VTA1: variants seen among roughly 807,000 people sequenced by gnomAD.
The protein encoded by VTA1 is vacuolar protein sorting-associated protein VTA1 homolog.
Under a neutral mutation model 36.9 loss-of-function variants are expected in VTA1, and 24 were observed. That is an observed-to-expected ratio of 0.65 (90% CI 0.47 to 0.91). The LOEUF (loss-of-function observed/expected upper bound fraction) is 0.91, where lower values mean the gene tolerates loss of function less well. Ranked by LOEUF, VTA1 falls within the 40% of genes least tolerant of loss-of-function variation. The pLI is 0.00. For synonymous variants in VTA1, 142 were observed against 130.2 expected, an observed-to-expected ratio of 1.09 and a Z score of -0.62; for missense variants, 393 against 377.2, an observed-to-expected ratio of 1.04 and a Z score of -0.35.
At chr6:142,183,298 G>A (rs1351400314) in intron 4 of VTA1, among the ~76,000 whole-genome samples, 1 of 152,122 alleles carries the variant, frequency 6.6e-6, no homozygotes, top group African/African-American at 2.4e-5. Context: ...GTAAAACTTT[G>A]TCTTTCAAGG....
At position 142,166,310 on chromosome 6, in the gene VTA1, T is replaced by G. The variant is rs780680109; in HGVS notation, c.195T>G (p.Asp65Glu). The change falls in exon 2 of 8, where the codon GAT becomes GAG. Residue 65 changes from aspartate to glutamate, a missense_variant. Asp to Glu is a conservative substitution (Grantham distance 45). Coordinates refer to ENST00000367630, the MANE Select transcript of VTA1 (RefSeq NM_016485.5). ...GCAAATTTTTATCAAAGTTAATGGA[T>G]CAGTTAGAAGCTGTAAGTTAACCAC... ...ECRKFLSKLM[D>E]QLEALKKQLG... 4 of 1,608,378 alleles carry G rather than the reference T, an allele frequency of 2.5e-6. No individual in the cohort carries two copies. The highest frequency in any genetic ancestry group is 2.6e-6 in the Non-Finnish European group (3 of 1,175,568).
chr6:142,186,900 C>T (rs1775351391), intron 4 of VTA1, among the ~76,000 whole-genome samples: 1 of 151,718 alleles, frequency 6.6e-6, no homozygotes, highest in Admixed American at 6.6e-5. Context: ...AAGACAGCCC[C>T]ACTGTGAGAT....
At chr6:142,198,340 T>A in intron 5 of VTA1, 99 bp from the exon 6 acceptor site, 1 of 1,147,232 alleles carries the variant, frequency 8.7e-7, no homozygotes, top group Non-Finnish European at 1.2e-6. Context: ...TAGAATTGCA[T>A]TTAAAGATTC....
At chr6:142,198,115 A>ATGTGTGTGTG (rs1259650162) in intron 5 of VTA1, among the ~76,000 whole-genome samples, 40 of 76,532 alleles carry the variant, frequency 5.2e-4, no homozygotes, top group African/African-American at 1.4e-3. Context: ...ATATATATAT[A>ATGTGTGTGTG]TATATGTGTG....
intron 7 of VTA1, among the ~76,000 whole-genome samples, chr6:142,213,430 A>T (rs1204811005): frequency 6.6e-6 from 1 of 152,086 alleles, no homozygotes; most frequent in Non-Finnish European, 1.5e-5. Flanking sequence ...CAGGTGCATG[A>T]TGTAAGCTGT....
intron 6 of VTA1, among the ~76,000 whole-genome samples, chr6:142,202,074 C>T (rs576882139): frequency 7.2e-5 from 11 of 151,874 alleles, no homozygotes; most frequent in Non-Finnish European, 1.6e-4. Flanking sequence ...TATATGTAAT[C>T]TACATAAGCC....
intron 5 of VTA1, among the ~76,000 whole-genome samples, chr6:142,196,277 T>G (rs1237591078): frequency 6.6e-6 from 1 of 152,216 alleles, no homozygotes; most frequent in Non-Finnish European, 1.5e-5. Flanking sequence ...GAAATGGTCC[T>G]TTTTATCTCA....
intron 1 of VTA1, among the ~76,000 whole-genome samples, chr6:142,158,530 G>T (rs1213475239): frequency 6.6e-6 from 1 of 152,088 alleles, no homozygotes; most frequent in East Asian, 1.9e-4. Context: ...TATTATTCCA[G>T]TTCAGTGGGA....
Position 142,165,564 on chromosome 6 carries a change from A to C in VTA1, c.113-664A>C, listed in dbSNP as rs537172359. ...TGCTGTAGAACATTAGCACTGACAC[A>C]GATCTCTAGGACATATTGTTGAATG... On this transcript the variant is annotated intron_variant, in intron 1 of 7. Transcript: ENST00000367630. Among the ~76,000 whole-genome samples the C allele has an allele frequency of 2.0e-5, 3 of 152,324 alleles. No homozygotes were observed. The South Asian group carries it at 6.2e-4, about 32-fold the overall frequency.
chr6:142,157,282 C>T (rs1037486198), intron 1 of VTA1, among the ~76,000 whole-genome samples: 53 of 152,330 alleles, frequency 3.5e-4, no homozygotes, highest in African/African-American at 1.3e-3. Flanking sequence ...GAAGCAGTTC[C>T]TTTCAGTCTT....
intron 5 of VTA1, among the ~76,000 whole-genome samples, chr6:142,194,533 A>G (rs1301860144): frequency 6.6e-6 from 1 of 152,000 alleles, no homozygotes. Context: ...AATGAAATTA[A>G]TTTTTTAATT....
Position 142,147,274 on chromosome 6 carries a change from A to G in VTA1, c.-14A>G, listed in dbSNP as rs1332541080. 7.4e-6 allele frequency: 12 copies of G among 1,613,880 alleles called. No individual in the cohort carries two copies. The highest frequency in any genetic ancestry group is 1.3e-5 in the African/African-American group (1 of 74,952). On this transcript the variant is annotated 5_prime_UTR_variant, in exon 1 of 8. Transcript: ENST00000367630. ...GGTGGAGCGCGAGTAGGAAGTGGTG[A>G]GTTCGGAGTAGAGATGGCCGCGCTT... is the stretch of plus-strand genomic sequence containing the variant.
At chr6:142,164,298 T>G (rs146448295) in intron 1 of VTA1, among the ~76,000 whole-genome samples, 50 of 152,278 alleles carry the variant, frequency 3.3e-4, no homozygotes, top group African/African-American at 1.2e-3. Context: ...CAAAGTGATC[T>G]TCAGTGCTAG....
At chr6:142,175,065 T>G (rs1165402532) in intron 4 of VTA1, among the ~76,000 whole-genome samples, 1 of 152,214 alleles carries the variant, frequency 6.6e-6, no homozygotes, top group East Asian at 1.9e-4. Flanking sequence ...AACCGAAGCC[T>G]TCTGTGTGAT....
chr6:142,203,864 A>G, intron 6 of VTA1, 121 bp from the exon 7 acceptor site: 1 of 746,102 alleles, frequency 1.3e-6, no homozygotes, highest in Admixed American at 2.3e-5. Flanking sequence ...GTTAGAATCC[A>G]TTGATGTTTC....
chr6:142,205,732 A>G (rs1328228083), intron 7 of VTA1, among the ~76,000 whole-genome samples: 1 of 152,200 alleles, frequency 6.6e-6, no homozygotes, highest in Non-Finnish European at 1.5e-5. Context: ...CATGGATTTC[A>G]TTTAATATAT....
chr6:142,169,109 A>AT (rs1345621164), intron 2 of VTA1, among the ~76,000 whole-genome samples: 5 of 151,816 alleles, frequency 3.3e-5, no homozygotes, highest in Admixed American at 6.6e-5. Context: ...TTCTAGTCTT[A>AT]TTTTTTTTAG....
intron 1 of VTA1, among the ~76,000 whole-genome samples, chr6:142,158,130 C>T (rs1300539760): frequency 2.7e-5 from 4 of 149,632 alleles, no homozygotes; most frequent in African/African-American, 9.8e-5. Flanking sequence ...TATTATGTAA[C>T]TGTTAAAGAT....
chr6:142,162,510 G>T (rs1306496470), intron 1 of VTA1, among the ~76,000 whole-genome samples: 4 of 152,058 alleles, frequency 2.6e-5, no homozygotes, highest in Admixed American at 2.0e-4. Context: ...TGTATGATTG[G>T]GTAAGTTGGT....
Sources: gnomAD v4.1 joint callset for allele counts (sites outside exome capture counted in the v4.1 genomes callset) on GRCh38, gnomAD v4.1.1 for gene constraint, MANE v1.5 for transcripts, NCBI Gene and HGNC (gene_info 2026-07-23, HGNC 2026-07-21) for gene names.